PTPRO: variants seen among roughly 807,000 people sequenced by gnomAD.
PTPRO encodes the protein protein tyrosine phosphatase receptor type O.
A neutral mutation model predicts 145.2 loss-of-function variants in PTPRO; 62 were observed. The ratio of observed to expected loss-of-function variants is 0.43; its 90% confidence interval spans 0.35 to 0.53. The LOEUF (loss-of-function observed/expected upper bound fraction) is 0.53. Ranked by LOEUF, PTPRO falls within the 20% of genes least tolerant of loss-of-function variation. The probability of loss-of-function intolerance (pLI) is 0.01; values close to 1 mark genes in which losing one functional copy is unlikely to be tolerated. For missense variants in PTPRO, 1,345 were observed against 1,482.7 expected (o/e 0.91, Z 1.53); for synonymous variants, 565 against 514.7 (o/e 1.10, Z -1.32).
At chr12:15,376,130 C>T (rs1330107214) in intron 1 of PTPRO, among the ~76,000 whole-genome samples, 1 of 151,802 alleles carries the variant, frequency 6.6e-6, no homozygotes, top group East Asian at 1.9e-4. Context: ...TTTGATGAAA[C>T]ACATAAGATA....
chr12:15,389,156 T>C (rs1016995475), intron 1 of PTPRO, among the ~76,000 whole-genome samples: 2 of 148,912 alleles, frequency 1.3e-5, no homozygotes, highest in Non-Finnish European at 1.5e-5. Flanking sequence ...CAGGCTGGAG[T>C]GCAGTGGCGC....
chr12:15,498,495 T>C (rs1008598874), intron 3 of PTPRO, among the ~76,000 whole-genome samples: 2 of 152,042 alleles, frequency 1.3e-5, no homozygotes, highest in African/African-American at 4.8e-5. Context: ...GAGGCAGAGG[T>C]TGCAGTGAGC....
rs369418211 is a variant in PTPRO, at chr12:15,560,205, A to G, written c.2640A>G (p.Ile880Met). Residue 880 changes from isoleucine (I) to methionine (M), a missense_variant, in exon 17 of 27, where the codon ATA becomes ATG. Coordinates refer to ENST00000281171, the MANE Select transcript of PTPRO (RefSeq NM_030667.3). The stretch of plus-strand genomic sequence containing the variant: ...TTAATGCACACAGGCGTAGGAGTAT[A>G]TTTGCTTTCTTAACCCTGCTACCCT... ...GKLPYNWRRS[I>M]FAFLTLLPSC... 1 of 1,589,010 alleles carries G rather than the reference A, an allele frequency of 6.3e-7. No homozygotes were observed. The highest frequency in any genetic ancestry group is 1.1e-5 in the South Asian group (1 of 90,564).
At chr12:15,583,529 A>G (rs1204416332) in intron 23 of PTPRO, among the ~76,000 whole-genome samples, 1 of 152,070 alleles carries the variant, frequency 6.6e-6, no homozygotes, top group Non-Finnish European at 1.5e-5. Context: ...ATAGTATTTT[A>G]TGTGAAATGC....
chr12:15,367,302 A>C (rs1938392627), intron 1 of PTPRO, among the ~76,000 whole-genome samples: 1 of 152,224 alleles, frequency 6.6e-6, no homozygotes, highest in African/African-American at 2.4e-5. Flanking sequence ...AGGATGACTG[A>C]GGGAACCCTT....
intron 19 of PTPRO, among the ~76,000 whole-genome samples, chr12:15,574,333 T>A (rs1306357965): frequency 6.6e-6 from 1 of 152,206 alleles, no homozygotes; most frequent in East Asian, 1.9e-4. Context: ...TTTTTTACAT[T>A]TCACATGGGA....
At chr12:15,428,403 G>A (rs1467129240) in intron 1 of PTPRO, among the ~76,000 whole-genome samples, 2 of 152,040 alleles carry the variant, frequency 1.3e-5, no homozygotes, top group African/African-American at 4.8e-5. Flanking sequence ...GAGAATACAT[G>A]TTCTTATTTT....
chr12:15,443,470 A>G (rs1316935822), intron 1 of PTPRO, among the ~76,000 whole-genome samples: 2 of 152,170 alleles, frequency 1.3e-5, no homozygotes, highest in Admixed American at 1.3e-4. Context: ...TCTCAAAAGC[A>G]ATTTTAACAA....
At chr12:15,389,050 GT>G (rs1461643395) in intron 1 of PTPRO, among the ~76,000 whole-genome samples, 2 of 151,454 alleles carry the variant, frequency 1.3e-5, no homozygotes, top group Admixed American at 1.3e-4. Context: ...GATTGTGCCA[GT>G]GCACTCCAGA....
intron 1 of PTPRO, among the ~76,000 whole-genome samples, chr12:15,453,948 T>C (rs1187113864): frequency 6.6e-6 from 1 of 152,232 alleles, no homozygotes; most frequent in African/African-American, 2.4e-5. Flanking sequence ...ATTATATGCA[T>C]ATACCACATT....
intron 25 of PTPRO, among the ~76,000 whole-genome samples, chr12:15,590,543 C>T (rs1944528014): frequency 6.6e-6 from 1 of 152,210 alleles, no homozygotes; most frequent in Non-Finnish European, 1.5e-5. Context: ...GTCAGTATCA[C>T]TTCAAAAGCC....
In PTPRO at chr12:15,499,609, G is replaced by T. The variant is rs1237932094; in HGVS notation, c.661+15G>T. 1.9e-6 allele frequency: 3 copies of T among 1,607,698 alleles called. No homozygotes were observed. The African/African-American group carries it at 4.0e-5, about 22-fold the overall frequency. On this transcript the variant is annotated intron_variant, in intron 4 of 26. Transcript: ENST00000281171. ...GCACAGAACTGGTAAGTCTCCTGAA[G>T]AATCAAATACAGTGAAAAAATAATT... is the stretch of plus-strand genomic sequence containing the variant.
At chr12:15,498,421 GGTGGCGGGCGCCT>G (rs1424564338) in intron 3 of PTPRO, among the ~76,000 whole-genome samples, 1 of 152,112 alleles carries the variant, frequency 6.6e-6, no homozygotes, top group Non-Finnish European at 1.5e-5. Context: ...AGCCGGGCGT[GGTGGCGGGCGCCT>G]GTAGTCCCAG....
At chr12:15,461,802 G>A (rs368187280) in intron 1 of PTPRO, among the ~76,000 whole-genome samples, 3 of 151,796 alleles carry the variant, frequency 2.0e-5, no homozygotes, top group Admixed American at 6.6e-5. Flanking sequence ...TCCTGACCTC[G>A]TGATCCGCCC....
chr12:15,406,227 T>G (rs1939643554), intron 1 of PTPRO, among the ~76,000 whole-genome samples: 1 of 152,222 alleles, frequency 6.6e-6, no homozygotes, highest in Non-Finnish European at 1.5e-5. Context: ...GCAATCTATC[T>G]TCTGCTGGCC....
chr12:15,579,055 T>C (rs1944251102), intron 20 of PTPRO, 112 bp downstream of exon 20: 2 of 871,812 alleles, frequency 2.3e-6, no homozygotes, highest in Non-Finnish European at 1.9e-6. Context: ...GGTCCGGATC[T>C]CAAGGCCACG....
intron 1 of PTPRO, among the ~76,000 whole-genome samples, chr12:15,429,671 T>C (rs990989725): frequency 8.5e-5 from 13 of 152,120 alleles, no homozygotes; most frequent in Admixed American, 1.3e-4. Context: ...GCAGGCCACA[T>C]ACAGTTATTT....
At chr12:15,385,654 A>T (rs1939000141) in intron 1 of PTPRO, among the ~76,000 whole-genome samples, 1 of 152,022 alleles carries the variant, frequency 6.6e-6, no homozygotes, top group Non-Finnish European at 1.5e-5. Context: ...TCTACTAAAA[A>T]TACAAAAAGT....
At chr12:15,589,777 C>A (rs545693781) in intron 25 of PTPRO, among the ~76,000 whole-genome samples, 187 bp downstream of exon 25, 1 of 152,194 alleles carries the variant, frequency 6.6e-6, no homozygotes, top group East Asian at 1.9e-4. Flanking sequence ...GAAATCCATT[C>A]GACATATAGT....
Sources: allele counts gnomAD v4.1 joint callset (sites outside exome capture counted in the v4.1 genomes callset), GRCh38; gene constraint gnomAD v4.1.1; transcripts MANE v1.5; gene names NCBI Gene and HGNC (gene_info 2026-07-23, HGNC 2026-07-21).